PRRC2C: variants seen among roughly 807,000 people sequenced by gnomAD.
The protein encoded by PRRC2C is proline rich coiled-coil 2C.
A neutral mutation model predicts 317.2 loss-of-function variants in PRRC2C; 72 were observed. That is an observed-to-expected ratio of 0.23 (90% CI 0.19 to 0.28). The LOEUF is 0.28. PRRC2C is among the 10% of genes least tolerant of loss of function. PRRC2C has a pLI of 1.00. For missense variants in PRRC2C, 3,074 were observed against 3,459.7 expected (o/e 0.89, Z 2.80); for synonymous variants, 1,296 against 1,205.9 (o/e 1.07, Z -1.55).
intron 1 of PRRC2C, among the ~76,000 whole-genome samples, chr1:171,488,928 A>G (rs979800006): frequency 3.9e-5 from 6 of 152,170 alleles, no homozygotes; most frequent in African/African-American, 4.8e-5. Flanking sequence ...TCATTTGAGG[A>G]GCACGTCTAG....
At chr1:171,519,519 A>T (rs936952450) in intron 6 of PRRC2C, among the ~76,000 whole-genome samples, 17 of 152,234 alleles carry the variant, frequency 1.1e-4, no homozygotes, top group Admixed American at 6.5e-4. Context: ...TTTTGTTGAT[A>T]CTATCTTTAA....
Position 171,521,573 on chromosome 1 carries a change from A to G in PRRC2C, c.751-604A>G, listed in dbSNP as rs115662192. Reference sequence around the variant, plus strand: ...TCCAACTCACTTCCTTGGATTGTGGACTGTCTTTTAATTTTATCTGAGCTG... The same window carrying G: ...TCCAACTCACTTCCTTGGATTGTGGGCTGTCTTTTAATTTTATCTGAGCTG... On this transcript the variant is annotated intron_variant, in intron 6 of 34. Transcript: ENST00000647382. 4.0e-3 allele frequency among the ~76,000 whole-genome samples: 584 copies of G among 146,822 alleles called. 3 individuals are homozygous for G. The highest frequency in any genetic ancestry group is 0.014 in the African/African-American group (533 of 39,446).
intron 18 of PRRC2C, among the ~76,000 whole-genome samples, chr1:171,556,581 C>T (rs1436203014): frequency 1.3e-5 from 2 of 152,166 alleles, no homozygotes; most frequent in Non-Finnish European, 2.9e-5. Context: ...TTCCTCAAGA[C>T]CATCTTTACT....
chr1:171,582,804 T>A (rs1483035297), intron 28 of PRRC2C, among the ~76,000 whole-genome samples: 6 of 151,696 alleles, frequency 4.0e-5, no homozygotes, highest in African/African-American at 1.5e-4. Flanking sequence ...GCGAGTGATA[T>A]TACTGTACAC....
In PRRC2C at chr1:171,517,964, G is replaced by A. The variant is rs574206454; in HGVS notation, c.750+150G>A. On this transcript the variant is annotated intron_variant, in intron 6 of 34. Transcript: ENST00000647382. ...TCTCTTTTATTGTATGGTATATTGTGAGAAGGGACTACACATGGTGTAAAC... is the reference window on the plus strand; with the variant it reads ...TCTCTTTTATTGTATGGTATATTGTAAGAAGGGACTACACATGGTGTAAAC... 8.9e-6 allele frequency: 6 copies of A among 673,940 alleles called. No homozygotes were observed. In the African/African-American group the frequency reaches 1.1e-4, roughly 12 times the overall value. 41.7% of individuals were successfully genotyped at this position (673,940 alleles called of 1,614,324 possible).
chr1:171,574,048 T>G (rs1177748748), intron 24 of PRRC2C, among the ~76,000 whole-genome samples: 3 of 152,134 alleles, frequency 2.0e-5, no homozygotes, highest in African/African-American at 7.2e-5. Flanking sequence ...ACAAAGTTCC[T>G]AACAGTGATA....
intron 6 of PRRC2C, among the ~76,000 whole-genome samples, chr1:171,518,978 G>T (rs561243284): frequency 6.6e-6 from 1 of 151,562 alleles, no homozygotes; most frequent in Admixed American, 6.6e-5. Flanking sequence ...TGCCTCCTAG[G>T]TTCAAGCAGT....
At position 171,557,636 on chromosome 1, in the gene PRRC2C, C is replaced by G. The variant is rs373649763; in HGVS notation, c.5524C>G (p.Pro1842Ala). The change falls in exon 19 of 35, where the codon CCA (proline) becomes GCA (alanine). Residue 1842 changes from proline (P) to alanine (A), a missense_variant. Coordinates refer to ENST00000647382, the MANE Select transcript of PRRC2C (RefSeq NM_001387844.1). ...SSSAPASAPA[P>A]TPILASVSTP... ...TTCAGCTCCAGCCTCAGCCCCAGCT[C>G]CAACCCCCATCCTTGCCTCAGTTTC... 5.8e-6 allele frequency: 9 copies of G among 1,551,458 alleles called. No individual in the cohort carries two copies. The African/African-American group carries it at 9.6e-5, about 17-fold the overall frequency.
intron 33 of PRRC2C, among the ~76,000 whole-genome samples, 179 bp from the exon 34 acceptor site, chr1:171,589,190 A>C (rs535294951): frequency 6.6e-6 from 1 of 152,250 alleles, no homozygotes; most frequent in South Asian, 2.1e-4. Flanking sequence ...AAACTCTCCA[A>C]GCATGGCCTG....
intron 1 of PRRC2C, among the ~76,000 whole-genome samples, chr1:171,497,000 A>G (rs1668236831): frequency 6.6e-6 from 1 of 152,064 alleles, no homozygotes; most frequent in Admixed American, 6.6e-5. Context: ...CATGTTGCTC[A>G]GGCTGGTCTC....
intron 22 of PRRC2C, among the ~76,000 whole-genome samples, chr1:171,567,869 A>G (rs373145016): frequency 6.6e-6 from 1 of 152,164 alleles, no homozygotes; most frequent in African/African-American, 2.4e-5. Context: ...GAACAACTTT[A>G]CAACTATTAG....
In PRRC2C at chr1:171,532,356, A is replaced by G; in HGVS notation, c.1268A>G (p.Asp423Gly). 3 of 1,611,604 alleles carry G rather than the reference A, an allele frequency of 1.9e-6. No individual in the cohort carries two copies. Among genetic ancestry groups the G allele is most frequent in the Non-Finnish European group, 2.5e-6 (3 of 1,178,972 alleles). The change falls in exon 12 of 35, where the codon GAT (aspartate) becomes GGT (glycine). Residue 423 changes from aspartate to glycine, a missense_variant. Around this residue, in one of 11 missense-constraint regions of PRRC2C, gnomAD observed 1,320 missense variants for 1,395.7 expected, o/e 0.95. Coordinates refer to ENST00000647382, the MANE Select transcript of PRRC2C (RefSeq NM_001387844.1). ...TTAATGTTTCAGCATCCACCTCCAG[A>G]TCGACAGGCAGTACCTGGAAGACCA... ...KLLAQQHPPP[D>G]RQAVPGRPGP...
At chr1:171,588,001 C>T (rs1650441548) in intron 32 of PRRC2C, among the ~76,000 whole-genome samples, 2 of 151,926 alleles carry the variant, frequency 1.3e-5, no homozygotes, top group Admixed American at 1.3e-4. Flanking sequence ...GAGACAGAGT[C>T]TCACACTGTT....
At chr1:171,493,449 C>T (rs1667548117) in intron 1 of PRRC2C, among the ~76,000 whole-genome samples, 1 of 152,156 alleles carries the variant, frequency 6.6e-6, no homozygotes, top group African/African-American at 2.4e-5. Flanking sequence ...AAAGTGATGG[C>T]ACTGCTGCAC....
chr1:171,585,288 A>G lies in PRRC2C; in HGVS notation c.7749+762A>G, dbSNP rs527974632. Among the ~76,000 whole-genome samples the G allele has an allele frequency of 4.6e-5, 7 of 152,336 alleles. No homozygotes were observed. The East Asian group carries it at 1.3e-3, about 29-fold the overall frequency. On this transcript the variant is annotated intron_variant, in intron 30 of 34. Transcript: ENST00000647382. ...AGACCATCTGGCAGGTTAGCTATAC[A>G]TACAACAGTGTGGCAGACTGTGATC...
intron 12 of PRRC2C, among the ~76,000 whole-genome samples, 180 bp downstream of exon 12, chr1:171,533,141 C>T (rs750220331): frequency 6.6e-6 from 1 of 152,120 alleles, no homozygotes; most frequent in Admixed American, 6.5e-5. Flanking sequence ...TATGAACAGA[C>T]GTCTCTGAAG....
chr1:171,555,250 G>A (rs373111386), intron 18 of PRRC2C, among the ~76,000 whole-genome samples: 5 of 151,954 alleles, frequency 3.3e-5, no homozygotes, highest in East Asian at 1.9e-4. Flanking sequence ...CCACTTGATC[G>A]AATCGGCTAC....
At chr1:171,544,916 G>A (rs2102527975) in intron 16 of PRRC2C, among the ~76,000 whole-genome samples, 1 of 152,180 alleles carries the variant, frequency 6.6e-6, no homozygotes, top group Non-Finnish European at 1.5e-5. Flanking sequence ...AAAACAACCT[G>A]AAATTATTCT....
chr1:171,577,629 C>A lies in PRRC2C; in HGVS notation c.7151C>A (p.Ser2384Tyr). 6.2e-7 allele frequency: 1 copy of A among 1,611,730 alleles called. No individual in the cohort carries two copies. Among genetic ancestry groups the A allele is most frequent in the South Asian group, 1.1e-5 (1 of 91,028 alleles). The change falls in exon 26 of 35, where the codon TCT (serine) becomes TAT (tyrosine). Residue 2384 changes from serine (S) to tyrosine (Y), a missense_variant. By Grantham distance (144) the Ser-to-Tyr change is moderately radical. Around this residue, in one of 11 missense-constraint regions of PRRC2C, gnomAD observed 490 missense variants for 663.1 expected, o/e 0.74. Transcript: ENST00000647382. ...QQNPQVYVSQSAAAQIPAFYM... is the reference protein window; with the variant it reads ...QQNPQVYVSQYAAAQIPAFYM... Reference sequence around the variant, plus strand: ...AATCCGCAAGTTTATGTGTCTCAGTCTGCAGCAGGTAATGTTTTTAGGCTT... The same window carrying A: ...AATCCGCAAGTTTATGTGTCTCAGTATGCAGCAGGTAATGTTTTTAGGCTT...
Sources: gnomAD v4.1 joint callset for allele counts (sites outside exome capture counted in the v4.1 genomes callset) on GRCh38, gnomAD v4.1.1 for gene constraint, gnomAD v4.1.1 regional missense constraint, MANE v1.5 for transcripts, NCBI Gene and HGNC (gene_info 2026-07-23, HGNC 2026-07-21) for gene names.